The following RYR2 variants were observed in gnomAD, a reference collection of about 807,000 sequenced individuals.
RYR2 encodes the protein cardiac muscle ryanodine receptor-calcium release channel.
RYR2 carries 227 observed loss-of-function variants against 601.1 expected under a neutral mutation model. The ratio of observed to expected loss-of-function variants is 0.38; its 90% CI spans 0.34 to 0.42. The LOEUF is 0.42. Among genes scored for constraint, RYR2 ranks in the 10% least tolerant of loss-of-function variants. The pLI is 1.00. For missense variants in RYR2, 4,646 were observed against 6,156.5 expected (o/e 0.75, Z 8.21); for synonymous variants, 2,223 against 2,175.1 (o/e 1.02, Z -0.61).
chr1:237,805,362 C>A (rs557729589), intron 98 of RYR2, among the ~76,000 whole-genome samples: 1 of 151,962 alleles, frequency 6.6e-6, no homozygotes, highest in Non-Finnish European at 1.5e-5. Flanking sequence ...GGGTGGATCA[C>A]GAGGTTAGGA....
intron 1 of RYR2, among the ~76,000 whole-genome samples, chr1:237,187,589 A>G (rs935689200): frequency 1.3e-5 from 2 of 151,408 alleles, no homozygotes; most frequent in Non-Finnish European, 2.9e-5. Context: ...GACTGCAGGC[A>G]TGCACCATCA....
Position 237,085,834 on chromosome 1 carries a change from A to C in RYR2, c.48+43265A>C, listed in dbSNP as rs193293529. Among the ~76,000 whole-genome samples, 367 of 152,166 alleles carry C rather than the reference A, an allele frequency of 2.4e-3. 2 individuals are homozygous for C. The highest frequency in any genetic ancestry group is 6.8e-3 in the African/African-American group (282 of 41,516). ...AGTGTTATGATCACAGCTCACTGCAACCTCCGCCTCCCAGGCTCAAGTGAT... is the reference window on the plus strand; with the variant it reads ...AGTGTTATGATCACAGCTCACTGCACCCTCCGCCTCCCAGGCTCAAGTGAT... On this transcript the variant is annotated intron_variant, in intron 1 of 104. Coordinates refer to ENST00000366574, the MANE Select transcript of RYR2 (RefSeq NM_001035.3).
intron 86 of RYR2, 117 bp from the exon 87 acceptor site, chr1:237,773,403 G>C: frequency 1.6e-6 from 1 of 618,638 alleles, no homozygotes; most frequent in South Asian, 2.4e-5. Flanking sequence ...AGATATTTTT[G>C]TTTGCTACCA....
In RYR2 at chr1:237,591,007, C is replaced by T. The variant is rs376097712; in HGVS notation, c.4160+15C>T. The T allele has an allele frequency of 1.9e-5, 30 of 1,591,722 alleles. No individual in the cohort carries two copies. The highest frequency in any genetic ancestry group is 1.0e-4 in the Admixed American group (6 of 57,808). ...CTGAAACAAAGGTTACTAATTTATA[C>T]GCTGTGATTTTAAATTTGTAGTTAT... On this transcript the variant is annotated intron_variant, in intron 31 of 104. Transcript: ENST00000366574.
intron 82 of RYR2, among the ~76,000 whole-genome samples, chr1:237,759,288 A>C (rs9645346): frequency 0.1 from 15,405 of 152,036 alleles, 798 homozygotes; most frequent in Non-Finnish European, 0.11. Context: ...GGGTTTCACT[A>C]TGTTGGTCAG....
intron 10 of RYR2, 117 bp downstream of exon 10, chr1:237,388,300 A>G (rs572769727): frequency 3.5e-5 from 27 of 778,074 alleles, no homozygotes; most frequent in Middle Eastern, 3.2e-4. Context: ...GGCTACTGAC[A>G]TTCATTGATT....
intron 79 of RYR2, among the ~76,000 whole-genome samples, chr1:237,741,435 G>A (rs1402202129): frequency 6.6e-6 from 1 of 152,094 alleles, no homozygotes; most frequent in Non-Finnish European, 1.5e-5. Flanking sequence ...CCAAGCAGCA[G>A]AAATACGTGT....
In RYR2 at chr1:237,548,351, G is replaced by A. The variant is rs570237727; in HGVS notation, c.2907-80G>A. ...TGGTTTATGGAAGAACAGTAATGAGGTAGGGCCAGAAAATGATATTTACAG... is the reference window on the plus strand; with the variant it reads ...TGGTTTATGGAAGAACAGTAATGAGATAGGGCCAGAAAATGATATTTACAG... On this transcript the variant is annotated intron_variant, in intron 25 of 104. Coordinates refer to ENST00000366574, the MANE Select transcript of RYR2 (RefSeq NM_001035.3). The A allele has an allele frequency of 1.6e-5, 23 of 1,454,254 alleles. No individual in the cohort carries two copies. In the Middle Eastern group the frequency reaches 1.7e-3, roughly 108 times the overall value. The allele number at this position is 1,454,254 out of a possible 1,614,324, so 90.1% of individuals were successfully genotyped here.
chr1:237,710,236 C>A (rs1688717436), intron 70 of RYR2, among the ~76,000 whole-genome samples: 1 of 152,064 alleles, frequency 6.6e-6, no homozygotes, highest in African/African-American at 2.4e-5. Context: ...TGATGATTAT[C>A]CTGAATTATT....
intron 17 of RYR2, among the ~76,000 whole-genome samples, chr1:237,483,840 A>G (rs1662382898): frequency 6.6e-6 from 1 of 152,210 alleles, no homozygotes; most frequent in Non-Finnish European, 1.5e-5. Flanking sequence ...ATTAATAAAA[A>G]GGTTCTGACC....
At chr1:237,407,718 G>A (rs1028959809) in intron 10 of RYR2, among the ~76,000 whole-genome samples, 1 of 149,690 alleles carries the variant, frequency 6.7e-6, no homozygotes, top group African/African-American at 2.5e-5. Context: ...CTGGGTTCAC[G>A]CCATTCTCCT....
At position 237,784,147 on chromosome 1, in the gene RYR2, C is replaced by T. The variant is rs954641240; in HGVS notation, c.12435C>T (p.Ile4145=). 12 of 1,613,808 alleles carry T rather than the reference C, an allele frequency of 7.4e-6. No individual in the cohort carries two copies. The highest frequency in any genetic ancestry group is 2.2e-5 in the East Asian group (1 of 44,882). The change falls in exon 90 of 105, where the codon ATC becomes ATT. Residue 4145 remains isoleucine (I), a synonymous_variant. Transcript: ENST00000366574. The surrounding 1 kb of genome is among the most constrained non-coding windows in gnomAD (Gnocchi z 7.1). ...RIEIMGSAKR[I]ERVYFEISES... ...AAATCATGGGAAGCGCCAAACGCAT[C>T]GAGAGGGTCTATTTTGAAATCAGTG...
In RYR2 at chr1:237,548,477, T is replaced by C; in HGVS notation, c.2953T>C (p.Phe985Leu). The change falls in exon 26 of 105, where the codon TTT (phenylalanine) becomes CTT (leucine). Residue 985 changes from phenylalanine (F) to leucine (L), a missense_variant. Phe to Leu is a conservative substitution (Grantham distance 22). This residue lies in a region of RYR2 where 1,807 missense variants were observed against 2,088.1 expected (regional missense o/e 0.87). Coordinates refer to ENST00000366574, the MANE Select transcript of RYR2 (RefSeq NM_001035.3). ...GYKPAPMDLS[F>L]IKLTPSQEAM... ...CAAGCCTGCCCCTATGGACCTGAGC[T>C]TTATCAAACTCACCCCATCACAAGA... 1 of 1,613,968 alleles carries C rather than the reference T, an allele frequency of 6.2e-7. No individual in the cohort carries two copies. Among genetic ancestry groups the C allele is most frequent in the Non-Finnish European group, 8.5e-7 (1 of 1,179,876 alleles).
chr1:237,588,145 G>A (rs1319964563), intron 29 of RYR2, among the ~76,000 whole-genome samples: 1 of 151,950 alleles, frequency 6.6e-6, no homozygotes, highest in African/African-American at 2.4e-5. Flanking sequence ...ATTTTTTTTA[G>A]TTTTAACTAG....
chr1:237,679,335 A>G (rs1263410084), intron 61 of RYR2, among the ~76,000 whole-genome samples: 1 of 152,184 alleles, frequency 6.6e-6, no homozygotes, highest in Non-Finnish European at 1.5e-5. Context: ...CGTTTACCAT[A>G]TTGAGTACCT....
At chr1:237,486,126 T>G (rs1662660436) in intron 17 of RYR2, among the ~76,000 whole-genome samples, 1 of 152,192 alleles carries the variant, frequency 6.6e-6, no homozygotes, top group Admixed American at 6.5e-5. Context: ...GGTTTTTAGC[T>G]TGAATATATG....
chr1:237,581,968 T>TA (rs141579906), intron 29 of RYR2, among the ~76,000 whole-genome samples: 1 of 152,296 alleles, frequency 6.6e-6, no homozygotes, highest in African/African-American at 2.4e-5. Context: ...TTCCTTAAAA[T>TA]AAAAACACAA....
chr1:237,456,954 C>A (rs1658908245), intron 16 of RYR2, among the ~76,000 whole-genome samples: 1 of 151,996 alleles, frequency 6.6e-6, no homozygotes, highest in Admixed American at 6.6e-5. Context: ...CAAAAAAAAT[C>A]ACATAATAGC....
At chr1:237,398,422 A>G (rs557594785) in intron 10 of RYR2, among the ~76,000 whole-genome samples, 3 of 152,330 alleles carry the variant, frequency 2.0e-5, no homozygotes, top group Non-Finnish European at 2.9e-5. Flanking sequence ...TAAAATACAA[A>G]CAATTCAATT....
Sources: allele counts gnomAD v4.1 joint callset (sites outside exome capture counted in the v4.1 genomes callset), GRCh38; gene constraint gnomAD v4.1.1; regional missense constraint gnomAD v4.1.1; non-coding constraint Gnocchi (gnomAD v3.1); transcripts MANE v1.5; gene names NCBI Gene and HGNC (gene_info 2026-07-23, HGNC 2026-07-21).